Variants in ZNF568 observed in about 807,000 individuals in gnomAD.
ZNF568 encodes p53 inhibitor of SCO2 activation.
Under a neutral mutation model 18.1 loss-of-function variants are expected in ZNF568, and 11 were observed. The observed-to-expected ratio is 0.61, with a 90% CI of 0.38 to 1.00. The LOEUF (loss-of-function observed/expected upper bound fraction) is 1.00, where lower values mean the gene tolerates loss of function less well. Among genes scored for constraint, ZNF568 ranks in the 50% least tolerant of loss-of-function variants. The pLI is 0.01. For synonymous variants in ZNF568, 213 were observed against 246.6 expected, an observed-to-expected ratio of 0.86 and a Z score of 1.28; for missense variants, 639 against 768.2, an observed-to-expected ratio of 0.83 and a Z score of 1.99.
At chr19:36,927,013 A>G (rs1405899584) in intron 4 of ZNF568, among the ~76,000 whole-genome samples, 1 of 152,200 alleles carries the variant, frequency 6.6e-6, no homozygotes, top group Non-Finnish European at 1.5e-5. Flanking sequence ...ATTTTGTAAT[A>G]ATAGTTTTTT....
chr19:36,987,250 C>T (rs998995915), intron 2 of ZNF568, among the ~76,000 whole-genome samples: 1 of 152,104 alleles, frequency 6.6e-6, no homozygotes, highest in Non-Finnish European at 1.5e-5. Context: ...CCAGGATGTA[C>T]TGGCCGTGAG....
chr19:36,997,689 AAGAATTCATTC>A, downstream of ZNF568: 1 of 980,606 alleles, frequency 1.0e-6, no homozygotes, highest in African/African-American at 1.6e-5. Context: ...GTCAACATCA[AAGAATTCATTC>A]AGGACAGAGG....
chr19:36,962,277 GT>G (rs71177418), intron 6 of ZNF568, among the ~76,000 whole-genome samples: 1,355 of 45,314 alleles, frequency 0.03, 76 homozygotes, highest in African/African-American at 0.07. Context: ...GTGTTGCAGT[GT>G]TTTTTTTTTT....
Position 36,949,544 on chromosome 19 carries a change from C to A in ZNF568, c.391C>A (p.Gln131Lys), listed in dbSNP as rs769306396. 1 of 1,598,774 alleles carries A rather than the reference C, an allele frequency of 6.3e-7. No individual in the cohort carries two copies. ...VWEVDEQIKKQQETLVRKVTS... is the reference protein window; with the variant it reads ...VWEVDEQIKKKQETLVRKVTS... ...GGAAGTTGATGAACAGATCAAGAAG[C>A]AACAGGAAACACTTGTGAGGAAAGT... The change falls in exon 7 of 7, where the codon CAA becomes AAA. Residue 131 changes from glutamine (Q) to lysine (K), a missense_variant. Coordinates refer to ENST00000333987, the MANE Select transcript of ZNF568 (RefSeq NM_198539.4).
chr19:36,945,286 G>A (rs993452217), intron 6 of ZNF568, among the ~76,000 whole-genome samples: 11 of 147,294 alleles, frequency 7.5e-5, no homozygotes, highest in Non-Finnish European at 4.5e-5. Flanking sequence ...ATTGGCCCTC[G>A]GACAACATGG....
downstream of ZNF568, chr19:36,997,773 T>C (rs200675192): frequency 1.8e-6 from 1 of 551,158 alleles, no homozygotes; most frequent in Non-Finnish European, 3.1e-6. Flanking sequence ...CATACTGATT[T>C]GGAAAAAAAA....
At chr19:36,987,648 T>C (rs1208587213) in intron 2 of ZNF568, among the ~76,000 whole-genome samples, 1 of 151,736 alleles carries the variant, frequency 6.6e-6, no homozygotes, top group African/African-American at 2.4e-5. Context: ...AGGGTCTCAG[T>C]GATATCCAGG....
intron 6 of ZNF568, among the ~76,000 whole-genome samples, chr19:36,942,728 A>AGTTTT (rs534830439): frequency 4.0e-5 from 6 of 151,322 alleles, no homozygotes; most frequent in Non-Finnish European, 8.9e-5. Flanking sequence ...CCCCCACTCC[A>AGTTTT]GTTTTGTTTT....
chr19:36,968,024 C>T (rs1330644523), intron 6 of ZNF568, among the ~76,000 whole-genome samples: 2 of 152,134 alleles, frequency 1.3e-5, no homozygotes, highest in Non-Finnish European at 2.9e-5. Flanking sequence ...AAAATAAAAA[C>T]TTGGTTGTAT....
At chr19:36,973,676 C>G (rs961954880) in intron 6 of ZNF568, 4 of 153,126 alleles carry the variant, frequency 2.6e-5, no homozygotes, top group Non-Finnish European at 4.4e-5. Flanking sequence ...GCGACAGGTG[C>G]TTGGCGATCT....
chr19:36,945,682 T>G (rs1482437941), intron 6 of ZNF568, among the ~76,000 whole-genome samples: 1 of 151,878 alleles, frequency 6.6e-6, no homozygotes, highest in Non-Finnish European at 1.5e-5. Flanking sequence ...AAGGGCCAAC[T>G]GTACATATGA....
chr19:36,978,550 C>T (rs74987252), intron 7 of ZNF568, among the ~76,000 whole-genome samples: 6 of 152,132 alleles, frequency 3.9e-5, no homozygotes, highest in Non-Finnish European at 8.8e-5. Flanking sequence ...ATCTTCCACA[C>T]GTTACGTGAA....
chr19:36,946,495 C>T (rs1049226506), intron 6 of ZNF568, among the ~76,000 whole-genome samples: 3 of 151,508 alleles, frequency 2.0e-5, no homozygotes, highest in Admixed American at 2.0e-4. Flanking sequence ...TAAATGATAC[C>T]CTCAAAATTC....
intron 4 of ZNF568, among the ~76,000 whole-genome samples, chr19:36,927,901 ATATTTTTTTTTTTTTTTT>A (rs1568381615): frequency 0.014 from 312 of 23,056 alleles, 5 homozygotes; most frequent in Middle Eastern, 0.029. Context: ...ATATATATAT[ATATTTTTTTTTTTTTTTT>A]TTTTTTTTTT....
chr19:36,949,352 A>G (rs1374194155), intron 6 of ZNF568, among the ~76,000 whole-genome samples, 160 bp from the exon 7 acceptor site: 2 of 152,190 alleles, frequency 1.3e-5, no homozygotes, highest in Non-Finnish European at 2.9e-5. Context: ...TAACTTCTCA[A>G]ACCTTAGGAA....
At chr19:36,974,496 G>A (rs1444608040) in intron 7 of ZNF568, 1 of 1,532,650 alleles carries the variant, frequency 6.5e-7, no homozygotes, top group Non-Finnish European at 8.7e-7. Flanking sequence ...TTCTTGGAAA[G>A]GACTTACTGG....
At chr19:36,918,103 C>T (rs756277820) in intron 2 of ZNF568, among the ~76,000 whole-genome samples, 2 of 152,138 alleles carry the variant, frequency 1.3e-5, no homozygotes, top group Non-Finnish European at 2.9e-5. Flanking sequence ...CGCGCCACCA[C>T]GCCCGGCTGA....
chr19:36,939,347 G>C (rs190103357), intron 6 of ZNF568, among the ~76,000 whole-genome samples: 70 of 152,158 alleles, frequency 4.6e-4, no homozygotes, highest in Non-Finnish European at 8.5e-4. Context: ...CATTCATTCT[G>C]CCCACAAGGG....
chr19:36,990,206 G>A (rs1010262356), intron 2 of ZNF568, among the ~76,000 whole-genome samples: 1 of 152,166 alleles, frequency 6.6e-6, no homozygotes, highest in Non-Finnish European at 1.5e-5. Flanking sequence ...TGCGCACCTC[G>A]TGTGACATCG....
Sources: allele counts gnomAD v4.1 joint callset (sites outside exome capture counted in the v4.1 genomes callset), GRCh38; gene constraint gnomAD v4.1.1; transcripts MANE v1.5; gene names NCBI Gene and HGNC (gene_info 2026-07-23, HGNC 2026-07-21).